The following PRLR variants were observed in gnomAD, a reference collection of about 807,000 sequenced individuals.
The protein encoded by PRLR is hPRL receptor.
Under a neutral mutation model 40.2 loss-of-function variants are expected in PRLR, and 13 were observed. The observed-to-expected ratio is 0.32, with a 90% CI of 0.21 to 0.51. The LOEUF (loss-of-function observed/expected upper bound fraction) is 0.51, where lower values mean the gene tolerates loss of function less well. Among genes scored for constraint, PRLR ranks in the 20% least tolerant of loss-of-function variants. PRLR has a pLI of 0.97. For synonymous variants in PRLR, 269 were observed against 278.7 expected, an observed-to-expected ratio of 0.97 and a Z score of 0.35; for missense variants, 656 against 747.3, an observed-to-expected ratio of 0.88 and a Z score of 1.42.
At chr5:35,052,678 A>G (rs1007825286), downstream of PRLR, among the ~76,000 whole-genome samples, 1 of 152,212 alleles carries the variant, frequency 6.6e-6, no homozygotes, top group Admixed American at 6.5e-5. Context: ...CTGACTGTAG[A>G]TAACCTGACC....
At chr5:35,129,485 G>T (rs1257497658) in intron 1 of PRLR, among the ~76,000 whole-genome samples, 1 of 152,096 alleles carries the variant, frequency 6.6e-6, no homozygotes, top group Non-Finnish European at 1.5e-5. Context: ...GCCTAACAAA[G>T]TTGGGAGGAT....
In PRLR at chr5:35,072,748, C is replaced by T; in HGVS notation, c.374-4G>A. ...TCCAAAGGAGGGTCTGGCTGAACTG[C>T]AGAAATACAGCAAATGCCAGTAGCA... is the stretch of plus-strand genomic sequence containing the variant. On this transcript the variant is annotated splice_polypyrimidine_tract_variant and splice_region_variant and intron_variant, in intron 5 of 9. Transcript: ENST00000618457. 3 of 1,613,394 alleles carry T rather than the reference C, an allele frequency of 1.9e-6. No individual in the cohort carries two copies. The highest frequency in any genetic ancestry group is 2.2e-5 in the East Asian group (1 of 44,878).
intron 9 of PRLR, among the ~76,000 whole-genome samples, chr5:35,066,758 C>A (rs1184873538): frequency 6.8e-6 from 1 of 146,008 alleles, no homozygotes; most frequent in African/African-American, 2.6e-5. Context: ...CTCACTCTTG[C>A]CTCTTTTTTT....
chr5:35,163,502 A>G (rs1222098677), intron 1 of PRLR, among the ~76,000 whole-genome samples: 1 of 152,224 alleles, frequency 6.6e-6, no homozygotes, highest in East Asian at 1.9e-4. Flanking sequence ...TTCAGGCTGC[A>G]TAAAAGAAAG....
chr5:35,160,577 T>C (rs2111903099), intron 1 of PRLR, among the ~76,000 whole-genome samples: 1 of 152,314 alleles, frequency 6.6e-6, no homozygotes, highest in East Asian at 1.9e-4. Flanking sequence ...GGAGCCTGAA[T>C]TCTGCTAAGG....
chr5:35,068,694 G>A (rs984296912), intron 8 of PRLR, 85 bp downstream of exon 8: 3 of 1,073,208 alleles, frequency 2.8e-6, no homozygotes, highest in South Asian at 2.8e-5. Context: ...ATTATCTACA[G>A]GTTTCCATCA....
At chr5:35,216,556 T>C (rs181516375) in intron 1 of PRLR, among the ~76,000 whole-genome samples, 208 of 152,302 alleles carry the variant, frequency 1.4e-3, no homozygotes, top group Non-Finnish European at 2.2e-3. Flanking sequence ...TGTGATCCTC[T>C]AGATGAAATA....
intron 1 of PRLR, among the ~76,000 whole-genome samples, chr5:35,119,739 G>A (rs113271183): frequency 1.6e-4 from 24 of 152,228 alleles, no homozygotes; most frequent in African/African-American, 3.4e-4. Context: ...ATCCTGCTCC[G>A]TTCTGTCATC....
chr5:35,191,260 C>A lies in PRLR; in HGVS notation c.-106+39008G>T, dbSNP rs1335744257. On this transcript the variant is annotated intron_variant, in intron 1 of 9. Coordinates refer to ENST00000618457, the MANE Select transcript of PRLR (RefSeq NM_000949.7). ...TAATTTTTTGTATTTTTAGTAGAGA[C>A]GGGGTTTCACCGTTTTAGCCGGGAT... is the stretch of plus-strand genomic sequence containing the variant. Among the ~76,000 whole-genome samples, 2 of 108,286 alleles carry A rather than the reference C, an allele frequency of 1.8e-5. 1 individual carries two copies. The highest frequency in any genetic ancestry group is 6.7e-5 in the African/African-American group (2 of 29,798). The allele number at this position is 108,286 out of a possible 152,430, so 71.0% of individuals were successfully genotyped here. A position where few individuals can be genotyped will look rare whatever the true frequency, so the allele number is the denominator to read the frequency against.
chr5:35,100,138 C>T (rs1017813475), intron 2 of PRLR, among the ~76,000 whole-genome samples: 55 of 143,112 alleles, frequency 3.8e-4, no homozygotes, highest in African/African-American at 1.2e-3. Context: ...AGATTTGCAG[C>T]GAGCCATTGC....
chr5:35,050,083 A>G (rs1251296053), intron 8 of PRLR, among the ~76,000 whole-genome samples: 1 of 151,906 alleles, frequency 6.6e-6, no homozygotes, highest in Non-Finnish European at 1.5e-5. Flanking sequence ...TGTATTTTTA[A>G]TAGAGACGGG....
At chr5:35,184,569 A>T (rs1250398268) in intron 1 of PRLR, among the ~76,000 whole-genome samples, 1 of 152,130 alleles carries the variant, frequency 6.6e-6, no homozygotes, top group Non-Finnish European at 1.5e-5. Flanking sequence ...AACCAACCAG[A>T]CAATCCTACT....
chr5:35,085,386 C>A (rs1300630050), intron 4 of PRLR, among the ~76,000 whole-genome samples: 1 of 152,184 alleles, frequency 6.6e-6, no homozygotes, highest in African/African-American at 2.4e-5. Flanking sequence ...GCTGTCTCTA[C>A]CAGCAACTAA....
intron 1 of PRLR, among the ~76,000 whole-genome samples, chr5:35,178,737 C>T (rs1561350325): frequency 6.6e-6 from 1 of 152,028 alleles, no homozygotes; most frequent in Non-Finnish European, 1.5e-5. Flanking sequence ...TTTAGAAATA[C>T]CATATTTTTT....
intron 1 of PRLR, among the ~76,000 whole-genome samples, chr5:35,214,967 T>C (rs1235058219): frequency 6.6e-6 from 1 of 152,234 alleles, no homozygotes; most frequent in East Asian, 1.9e-4. Flanking sequence ...AGATCCCTGC[T>C]GATGCCCAGA....
chr5:35,117,484 A>G (rs1773093499), intron 2 of PRLR, among the ~76,000 whole-genome samples: 1 of 152,152 alleles, frequency 6.6e-6, no homozygotes, highest in South Asian at 2.1e-4. Context: ...CTCCATCTGT[A>G]AAATGGAGTC....
chr5:35,133,966 T>C (rs1222144391), intron 1 of PRLR, among the ~76,000 whole-genome samples: 1 of 152,084 alleles, frequency 6.6e-6, no homozygotes, highest in Admixed American at 6.5e-5. Context: ...CTCTCACTCA[T>C]AAGTGGGAGC....
At position 35,070,130 on chromosome 5, in the gene PRLR, GTATCTGAA is replaced by G. The variant is rs761616767; in HGVS notation, c.671_678del (p.Ile224ThrfsTer2). On this transcript the variant is annotated frameshift_variant, in exon 7 of 10. Transcript: ENST00000618457. LOFTEE classifies it high-confidence loss of function. ...AAAGAGCCAAGACGCTCACCACTAG[GTATCTGAA>G]TGAAGGTCGCTGGACTCCATGCACT... is the stretch of plus-strand genomic sequence containing the variant. 2 of 1,609,310 alleles carry G rather than the reference GTATCTGAA, an allele frequency of 1.2e-6. No individual in the cohort carries two copies. The highest frequency in any genetic ancestry group is 1.7e-5 in the Admixed American group (1 of 58,490).
intron 1 of PRLR, among the ~76,000 whole-genome samples, chr5:35,162,656 G>C (rs1008587394): frequency 6.6e-6 from 1 of 152,168 alleles, no homozygotes; most frequent in Admixed American, 6.5e-5. Context: ...GAGATAAGCT[G>C]GTCCAGTTGT....
Sources: gnomAD v4.1 joint callset for allele counts (sites outside exome capture counted in the v4.1 genomes callset) on GRCh38, gnomAD v4.1.1 for gene constraint, MANE v1.5 for transcripts, NCBI Gene and HGNC (gene_info 2026-07-23, HGNC 2026-07-21) for gene names.